The following CDC42BPA variants were observed in gnomAD, a reference collection of about 807,000 sequenced individuals.
CDC42BPA encodes the protein CDC42 binding protein kinase alpha.
In CDC42BPA, 80 loss-of-function variants were observed where a neutral mutation model predicts 223.5. The ratio of observed to expected loss-of-function variants is 0.36; its 90% CI spans 0.30 to 0.43. CDC42BPA has a LOEUF of 0.43. CDC42BPA is among the 20% of genes least tolerant of loss of function. The pLI, the probability that CDC42BPA is intolerant of heterozygous loss-of-function variation, is 1.00. For missense variants in CDC42BPA, 1,743 were observed against 2,099.9 expected (o/e 0.83, Z 3.32); for synonymous variants, 694 against 718.6 (o/e 0.97, Z 0.55).
intron 21 of CDC42BPA, among the ~76,000 whole-genome samples, chr1:227,055,895 TA>T (rs199727614): frequency 7.0e-4 from 101 of 144,888 alleles, no homozygotes; most frequent in East Asian, 6.0e-4. Flanking sequence ...AATGCTCTGT[TA>T]AAAAAAAAAA....
At chr1:227,054,210 A>G (rs927941527) in intron 21 of CDC42BPA, among the ~76,000 whole-genome samples, 1 of 152,230 alleles carries the variant, frequency 6.6e-6, no homozygotes, top group African/African-American at 2.4e-5. Flanking sequence ...AATGCTGTGT[A>G]TATGTGAATA....
intron 1 of CDC42BPA, among the ~76,000 whole-genome samples, chr1:227,298,848 T>A (rs145710304): frequency 1.3e-5 from 2 of 152,050 alleles, no homozygotes; most frequent in Non-Finnish European, 2.9e-5. Flanking sequence ...TCAATATCCA[T>A]AAAAAAGGAA....
chr1:227,061,978 G>C (rs984451542), intron 21 of CDC42BPA, among the ~76,000 whole-genome samples: 1 of 152,146 alleles, frequency 6.6e-6, no homozygotes, highest in Non-Finnish European at 1.5e-5. Context: ...TGTCCCTTAG[G>C]AATCTCAAAC....
chr1:227,017,630 T>C (rs3795453), intron 32 of CDC42BPA, among the ~76,000 whole-genome samples: 61,065 of 152,026 alleles, frequency 0.4, 12,716 homozygotes, highest in Non-Finnish European at 0.46. Context: ...GTCGCTATTT[T>C]TCCTCTTCTG....
At chr1:227,204,954 C>T (rs1396940274) in intron 3 of CDC42BPA, among the ~76,000 whole-genome samples, 2 of 151,748 alleles carry the variant, frequency 1.3e-5, no homozygotes, top group Non-Finnish European at 2.9e-5. Context: ...AAAAATCAAC[C>T]TAATAAAAAA....
intron 1 of CDC42BPA, among the ~76,000 whole-genome samples, chr1:227,274,207 C>A (rs1686540777): frequency 6.6e-6 from 1 of 151,940 alleles, no homozygotes; most frequent in Admixed American, 6.6e-5. Flanking sequence ...AAAGGAACCC[C>A]CCAGTGGCCA....
In CDC42BPA at chr1:227,083,668, T is replaced by G. The variant is rs12057665; in HGVS notation, c.2356-2651A>C. 1.7e-3 allele frequency among the ~76,000 whole-genome samples: 253 copies of G among 152,336 alleles called. 4 individuals are homozygous for G. In the East Asian group the frequency reaches 0.036, roughly 22 times the overall value. ...CGTGTATACAAACTTTAGATAATTT[T>G]AAGACTCTGGATAATATCTTCCTCC... On this transcript the variant is annotated intron_variant, in intron 16 of 36. Coordinates refer to ENST00000366766, the MANE Select transcript of CDC42BPA (RefSeq NM_001394014.1).
At chr1:227,035,741 C>A (rs1184513361) in intron 24 of CDC42BPA, 134 bp from the exon 25 acceptor site, 1 of 596,336 alleles carries the variant, frequency 1.7e-6, no homozygotes, top group African/African-American at 1.9e-5. Context: ...ACTGTTTTAT[C>A]ATTTGGGTAG....
rs1308359913 is a variant in CDC42BPA at position 227,080,935 on chromosome 1, G to A, written c.2438C>T (p.Ser813Leu). Residue 813 changes from serine to leucine, a missense_variant, in exon 17 of 37, where the codon TCA becomes TTA. This residue lies in a region of CDC42BPA where 464 missense variants were observed against 488.0 expected (regional missense o/e 0.95). Transcript: ENST00000366766. ...EVKDLADKKE[S>L]VAHWEAQITE... The stretch of plus-strand genomic sequence containing the variant: ...GATTTGGGCTTCCCAATGTGCAACT[G>A]ATTCTTTCTTGTCTGCTAGATCTTT... 1 of 1,613,790 alleles carries A rather than the reference G, an allele frequency of 6.2e-7. No homozygotes were observed. The highest frequency in any genetic ancestry group is 8.5e-7 in the Non-Finnish European group (1 of 1,179,838).
intron 18 of CDC42BPA, 87 bp downstream of exon 18, chr1:227,074,169 ACTG>A (rs1354657645): frequency 7.6e-7 from 1 of 1,318,846 alleles, no homozygotes; most frequent in Non-Finnish European, 1.1e-6. Context: ...GTCTAAACAA[ACTG>A]ATATAAGTAA....
chr1:227,073,799 T>C (rs1678915356), intron 19 of CDC42BPA, 65 bp downstream of exon 19: 1 of 1,296,170 alleles, frequency 7.7e-7, no homozygotes, highest in Non-Finnish European at 1.1e-6. Flanking sequence ...AACATGTAAC[T>C]TCTCTCCAAA....
Position 227,040,215 on chromosome 1 carries a change from C to T in CDC42BPA, c.3115G>A (p.Val1039Ile). Residue 1039 changes from valine (V) to isoleucine (I), a missense_variant, in exon 24 of 37, where the codon GTA (valine) becomes ATA (isoleucine). Transcript: ENST00000366766. ...TTGGTAGGAGTAGTAAAAGATTTTA[C>T]AAAAAACTGGTGAGTCTTGCGCTGC... The part of the protein sequence containing the change: ...PPKRKTHQFF[V>I]KSFTTPTKCH... 1.2e-6 allele frequency: 2 copies of T among 1,611,824 alleles called. No homozygotes were observed. Among genetic ancestry groups the T allele is most frequent in the Non-Finnish European group, 1.7e-6 (2 of 1,178,256 alleles).
chr1:227,245,593 G>A (rs1239984095), intron 2 of CDC42BPA, among the ~76,000 whole-genome samples: 1 of 152,110 alleles, frequency 6.6e-6, no homozygotes, highest in East Asian at 1.9e-4. Context: ...GCCCAGCCCC[G>A]ACATTGTCTT....
rs745993566 is a variant in CDC42BPA at position 227,177,326 on chromosome 1, TC to T, written c.599+16459del. Among the ~76,000 whole-genome samples, 55 of 152,180 alleles carry T rather than the reference TC, an allele frequency of 3.6e-4. No individual in the cohort carries two copies. The South Asian group carries it at 4.4e-3, about 12-fold the overall frequency. On this transcript the variant is annotated intron_variant, in intron 5 of 36. Coordinates refer to ENST00000366766, the MANE Select transcript of CDC42BPA (RefSeq NM_001394014.1). ...TGGGTTACCTTTATCTGAAAATGTCTCCCCCTCACCCCCACTTCATTACTGA... is the reference window on the plus strand; with the variant it reads ...TGGGTTACCTTTATCTGAAAATGTCTCCCCTCACCCCCACTTCATTACTGA...
intron 3 of CDC42BPA, among the ~76,000 whole-genome samples, chr1:227,206,214 G>C (rs569502459): frequency 1.3e-5 from 2 of 152,326 alleles, no homozygotes; most frequent in East Asian, 3.9e-4. Context: ...AAAATTTACA[G>C]AACAGATTGA....
At chr1:227,287,440 G>A (rs979256370) in intron 1 of CDC42BPA, among the ~76,000 whole-genome samples, 1 of 152,124 alleles carries the variant, frequency 6.6e-6, no homozygotes, top group African/African-American at 2.4e-5. Flanking sequence ...TGGAAGTCCA[G>A]AAGGAATGAT....
At chr1:227,139,495 TA>T in intron 10 of CDC42BPA, 80 bp downstream of exon 10, 1 of 951,334 alleles carries the variant, frequency 1.1e-6, no homozygotes, top group Non-Finnish European at 1.5e-6. Context: ...TTTTCAAAGA[TA>T]AAACAACCAC....
At chr1:227,014,542 A>C (rs1558284113) in intron 34 of CDC42BPA, among the ~76,000 whole-genome samples, 1 of 150,294 alleles carries the variant, frequency 6.7e-6, no homozygotes, top group Non-Finnish European at 1.5e-5. Context: ...CTTCCCATGA[A>C]ATAAATGCAA....
chr1:227,042,280 T>C (rs1671519560), intron 23 of CDC42BPA, among the ~76,000 whole-genome samples: 1 of 119,544 alleles, frequency 8.4e-6, no homozygotes, highest in Non-Finnish European at 1.7e-5. Flanking sequence ...CCTCCCGAAT[T>C]GCACATATAC....
Sources: gnomAD v4.1 joint callset for allele counts (sites outside exome capture counted in the v4.1 genomes callset) on GRCh38, gnomAD v4.1.1 for gene constraint, gnomAD v4.1.1 regional missense constraint, MANE v1.5 for transcripts, NCBI Gene and HGNC (gene_info 2026-07-23, HGNC 2026-07-21) for gene names.